The following MAP3K5 variants were observed in gnomAD, a reference collection of about 807,000 sequenced individuals.
MAP3K5 encodes ASK-1.
A neutral mutation model predicts 158.7 loss-of-function variants in MAP3K5; 56 were observed. That is an observed-to-expected ratio of 0.35 (90% CI 0.28 to 0.44). The LOEUF (loss-of-function observed/expected upper bound fraction) is 0.44. MAP3K5 is among the 20% of genes least tolerant of loss of function. MAP3K5 has a pLI of 1.00. For synonymous variants in MAP3K5, 579 were observed against 601.7 expected (o/e 0.96, Z 0.55); for missense variants, 1,294 against 1,674.8 (o/e 0.77, Z 3.97).
intron 2 of MAP3K5, among the ~76,000 whole-genome samples, chr6:136,705,833 G>A (rs527682730): frequency 2.0e-5 from 3 of 152,196 alleles, no homozygotes. Flanking sequence ...CTCTGGGAGG[G>A]GAAAAAACAG....
chr6:136,657,108 T>G lies in MAP3K5; in HGVS notation c.1527-648A>C, dbSNP rs370186245. Among the ~76,000 whole-genome samples the G allele has an allele frequency of 2.7e-4, 41 of 152,316 alleles. 1 individual carries two copies. The highest frequency in any genetic ancestry group is 1.4e-3 in the Admixed American group (22 of 15,302). On this transcript the variant is annotated intron_variant, in intron 9 of 29. Coordinates refer to ENST00000359015, the MANE Select transcript of MAP3K5 (RefSeq NM_005923.4). ...TTCAAGGAAGCGGTTAATGCATTTG[T>G]TTTTAATTATGCTTCTTTGAGGAAG...
rs772546818 is a variant in MAP3K5 at position 136,697,294 on chromosome 6, C to A, written c.900G>T (p.Arg300=). 8.1e-6 allele frequency: 13 copies of A among 1,613,738 alleles called. No individual in the cohort carries two copies. The highest frequency in any genetic ancestry group is 1.1e-5 in the Non-Finnish European group (13 of 1,179,844). The change falls in exon 5 of 30, where the codon CGG becomes CGT. Residue 300 remains arginine (R), a synonymous_variant. Coordinates refer to ENST00000359015, the MANE Select transcript of MAP3K5 (RefSeq NM_005923.4). ...KELAAELARI[R]QRVDNIEVLT... ...AGACTTCGATATTATCTACTCGCTG[C>A]CGAATTCTTGCCAACTCAGCTGCCA...
intron 20 of MAP3K5, 128 bp downstream of exon 20, chr6:136,601,672 CTG>C (rs776945654): frequency 1.0e-5 from 8 of 785,780 alleles, no homozygotes; most frequent in Non-Finnish European, 1.6e-5. Flanking sequence ...CCTGAGAACA[CTG>C]TGCTAATATT....
intron 2 of MAP3K5, among the ~76,000 whole-genome samples, chr6:136,706,249 G>C (rs1287899623): frequency 6.6e-6 from 1 of 152,100 alleles, no homozygotes; most frequent in Non-Finnish European, 1.5e-5. Flanking sequence ...CTGGGTGACA[G>C]AGTGAGACTC....
At chr6:136,637,486 G>A (rs1233234378) in intron 13 of MAP3K5, 80 bp from the exon 14 acceptor site, 1 of 840,226 alleles carries the variant, frequency 1.2e-6, no homozygotes, top group African/African-American at 1.7e-5. Context: ...AGTGACTTCA[G>A]AACCAAAACT....
intron 15 of MAP3K5, among the ~76,000 whole-genome samples, chr6:136,615,742 T>C (rs1190532123): frequency 6.6e-6 from 1 of 152,164 alleles, no homozygotes; most frequent in Non-Finnish European, 1.5e-5. Context: ...AATATATATA[T>C]ATCTTCTATA....
chr6:136,729,716 A>G (rs2114820347), intron 1 of MAP3K5, among the ~76,000 whole-genome samples: 1 of 152,344 alleles, frequency 6.6e-6, no homozygotes, highest in East Asian at 1.9e-4. Context: ...GTATGTCAGG[A>G]TCTAAGCTTC....
intron 1 of MAP3K5, among the ~76,000 whole-genome samples, chr6:136,753,808 G>A (rs1783329817): frequency 6.6e-6 from 1 of 152,210 alleles, no homozygotes. Context: ...CAAAGAGGAT[G>A]CACTTGAGGG....
At chr6:136,607,547 G>A (rs1021474294) in intron 18 of MAP3K5, among the ~76,000 whole-genome samples, 2 of 152,150 alleles carry the variant, frequency 1.3e-5, no homozygotes, top group Admixed American at 1.3e-4. Flanking sequence ...CTGAACACTG[G>A]CTTAAGTAAA....
At chr6:136,598,798 TAGA>T (rs199937994) in intron 21 of MAP3K5, among the ~76,000 whole-genome samples, 1,915 of 152,278 alleles carry the variant, frequency 0.013, 18 homozygotes, top group Non-Finnish European at 0.021. Context: ...TGTACTCATC[TAGA>T]AGGAGAGTAA....
chr6:136,635,956 T>C (rs958377604), intron 14 of MAP3K5, among the ~76,000 whole-genome samples: 3 of 152,170 alleles, frequency 2.0e-5, no homozygotes, highest in Non-Finnish European at 4.4e-5. Flanking sequence ...AGTGTTTCTA[T>C]AAAAATTTTA....
chr6:136,688,377 A>T (rs1054284451), intron 7 of MAP3K5, among the ~76,000 whole-genome samples: 2 of 152,198 alleles, frequency 1.3e-5, no homozygotes, highest in Non-Finnish European at 2.9e-5. Context: ...CTATGTAACA[A>T]AACTGCACAT....
chr6:136,769,001 C>T (rs116119225), intron 1 of MAP3K5, among the ~76,000 whole-genome samples: 143 of 152,178 alleles, frequency 9.4e-4, no homozygotes, highest in African/African-American at 3.1e-3. Context: ...AATTCCACTC[C>T]TAGATATATA....
At position 136,792,336 on chromosome 6, in the gene MAP3K5, C is replaced by T; in HGVS notation, c.-179G>A. 1 of 1,013,106 alleles carries T rather than the reference C, an allele frequency of 9.9e-7. No homozygotes were observed. The allele number at this position is 1,013,106 out of a possible 1,614,324, so 62.8% of individuals were successfully genotyped here. ...CCTCTCCCCCGAGGGCACGCCGCTG[C>T]CCGGCGGCGGCTCGCTCCTCCTCGG... On this transcript the variant is annotated 5_prime_UTR_variant, in exon 1 of 30. Coordinates refer to ENST00000359015, the MANE Select transcript of MAP3K5 (RefSeq NM_005923.4). This position sits in a 1 kb window ranked among gnomAD's most constrained non-coding sequence, Gnocchi z 5.7.
At chr6:136,719,478 T>C (rs2114774933) in intron 2 of MAP3K5, among the ~76,000 whole-genome samples, 1 of 152,324 alleles carries the variant, frequency 6.6e-6, no homozygotes, top group East Asian at 1.9e-4. Flanking sequence ...GAAAGGGATA[T>C]ACCTGTCAAT....
chr6:136,738,048 C>T (rs1782549607), intron 1 of MAP3K5, among the ~76,000 whole-genome samples: 1 of 152,168 alleles, frequency 6.6e-6, no homozygotes, highest in Non-Finnish European at 1.5e-5. Context: ...TGGACATGTA[C>T]ACCACCACCC....
intron 11 of MAP3K5, among the ~76,000 whole-genome samples, chr6:136,646,018 GTTT>G (rs562390555): frequency 2.0e-5 from 3 of 151,962 alleles, no homozygotes; most frequent in African/African-American, 7.3e-5. Flanking sequence ...TAATAATAAA[GTTT>G]TTTTGTTTTT....
At chr6:136,594,802 T>TTGTG (rs149943450) in intron 21 of MAP3K5, among the ~76,000 whole-genome samples, 7 of 150,026 alleles carry the variant, frequency 4.7e-5, no homozygotes, top group South Asian at 4.2e-4. Flanking sequence ...GTTTCCGTGT[T>TTGTG]TGTGTGTGTG....
intron 11 of MAP3K5, among the ~76,000 whole-genome samples, chr6:136,647,476 C>CT (rs1778317869): frequency 6.6e-6 from 1 of 152,234 alleles, no homozygotes; most frequent in Non-Finnish European, 1.5e-5. Flanking sequence ...AATTCACATT[C>CT]TGTTCTGCCT....
Sources: gnomAD v4.1 joint callset for allele counts (sites outside exome capture counted in the v4.1 genomes callset) on GRCh38, gnomAD v4.1.1 for gene constraint, Gnocchi (gnomAD v3.1) non-coding constraint, MANE v1.5 for transcripts, NCBI Gene and HGNC (gene_info 2026-07-23, HGNC 2026-07-21) for gene names.